The following SCFD2 variants were observed in gnomAD, a reference collection of about 807,000 sequenced individuals.
SCFD2 encodes sec1 family domain containing 2, also known as sec1 family domain-containing protein 2.
In SCFD2, 54 loss-of-function variants were observed where a neutral mutation model predicts 58.9. The ratio of observed to expected loss-of-function variants is 0.92; its 90% confidence interval spans 0.74 to 1.15. SCFD2 has a LOEUF of 1.15. Among genes scored for constraint, SCFD2 ranks in the 50% most tolerant of loss-of-function variants. The pLI, the probability that SCFD2 is intolerant of heterozygous loss-of-function variation, is 0.00. For synonymous variants in SCFD2, 321 were observed against 335.9 expected (o/e 0.96, Z 0.49); for missense variants, 805 against 836.6 (o/e 0.96, Z 0.47).
At chr4:53,040,812 G>A (rs1488808383) in intron 5 of SCFD2, among the ~76,000 whole-genome samples, 1 of 152,110 alleles carries the variant, frequency 6.6e-6, no homozygotes, top group Non-Finnish European at 1.5e-5. Context: ...TGAAAAATTT[G>A]TGAAAGACCT....
intron 5 of SCFD2, among the ~76,000 whole-genome samples, chr4:52,970,351 C>T (rs374265335): frequency 2.0e-5 from 3 of 152,252 alleles, no homozygotes; most frequent in African/African-American, 7.2e-5. Context: ...TCTTAGCAAA[C>T]AGCACACCAG....
At chr4:53,318,404 C>G (rs766500201) in intron 2 of SCFD2, among the ~76,000 whole-genome samples, 1 of 152,146 alleles carries the variant, frequency 6.6e-6, no homozygotes, top group Non-Finnish European at 1.5e-5. Context: ...GGTTGTACAA[C>G]TCTTGGGTCA....
intron 4 of SCFD2, among the ~76,000 whole-genome samples, chr4:53,184,159 T>G (rs1188347709): frequency 6.6e-6 from 1 of 152,172 alleles, no homozygotes; most frequent in African/African-American, 2.4e-5. Context: ...GCCCAAATAT[T>G]CAATTTTCCT....
At chr4:53,233,533 G>A (rs1309198225) in intron 4 of SCFD2, among the ~76,000 whole-genome samples, 1 of 152,120 alleles carries the variant, frequency 6.6e-6, no homozygotes, top group Non-Finnish European at 1.5e-5. Flanking sequence ...TTTCCAGCTG[G>A]AATAACACAT....
At chr4:53,036,038 TTTTTA>T (rs557154134) in intron 5 of SCFD2, among the ~76,000 whole-genome samples, 103 of 151,930 alleles carry the variant, frequency 6.8e-4, no homozygotes, top group Non-Finnish European at 8.1e-4. Flanking sequence ...ATCGTTTTTG[TTTTTA>T]TTTTATTTTA....
intron 5 of SCFD2, among the ~76,000 whole-genome samples, chr4:53,142,255 G>A (rs560822741): frequency 3.7e-4 from 57 of 152,308 alleles, no homozygotes; most frequent in Non-Finnish European, 6.0e-4. Context: ...TGATCTTTCA[G>A]ATATCAACAC....
intron 5 of SCFD2, among the ~76,000 whole-genome samples, chr4:52,931,326 T>G (rs1719988594): frequency 6.6e-6 from 1 of 152,170 alleles, no homozygotes; most frequent in Non-Finnish European, 1.5e-5. Context: ...TTTCAAAAGC[T>G]GTTGGGTGGT....
At chr4:52,895,539 T>C (rs1718985994) in intron 7 of SCFD2, among the ~76,000 whole-genome samples, 1 of 152,226 alleles carries the variant, frequency 6.6e-6, no homozygotes, top group South Asian at 2.1e-4. Flanking sequence ...CCATGGTGTA[T>C]ATGTGCCACA....
chr4:52,936,751 T>C (rs746493975), intron 5 of SCFD2, among the ~76,000 whole-genome samples: 3 of 152,340 alleles, frequency 2.0e-5, no homozygotes, highest in Non-Finnish European at 4.4e-5. Flanking sequence ...CTTCAGCTCA[T>C]AGACATTGTA....
intron 5 of SCFD2, among the ~76,000 whole-genome samples, chr4:53,078,442 T>C (rs1724045967): frequency 6.6e-6 from 1 of 152,188 alleles, no homozygotes; most frequent in Non-Finnish European, 1.5e-5. Context: ...ATTTTAAAGA[T>C]TTCACTTTGA....
intron 4 of SCFD2, among the ~76,000 whole-genome samples, chr4:53,215,089 T>G (rs1197532114): frequency 1.3e-5 from 2 of 152,158 alleles, no homozygotes; most frequent in African/African-American, 4.8e-5. Context: ...GGTAGCTTGA[T>G]GCCTCAAGCT....
chr4:53,181,127 A>G (rs879591531), intron 4 of SCFD2, among the ~76,000 whole-genome samples: 5 of 152,214 alleles, frequency 3.3e-5, no homozygotes, highest in Non-Finnish European at 5.9e-5. Context: ...ATCAATAGAA[A>G]AAGAGGGAAT....
intron 4 of SCFD2, among the ~76,000 whole-genome samples, chr4:53,211,106 G>A (rs1357871043): frequency 6.6e-6 from 1 of 152,064 alleles, no homozygotes; most frequent in Non-Finnish European, 1.5e-5. Context: ...AGCCAGGCAT[G>A]GTGGCACGCA....
At chr4:53,173,578 T>A (rs1263575260) in intron 4 of SCFD2, among the ~76,000 whole-genome samples, 2 of 152,170 alleles carry the variant, frequency 1.3e-5, no homozygotes, top group East Asian at 3.8e-4. Flanking sequence ...CAATTTACAT[T>A]CAAAGTAATT....
rs145472498 is a variant in SCFD2 at position 53,282,715 on chromosome 4, C to A, written c.1136-8714G>T. Among the ~76,000 whole-genome samples, 533 of 151,578 alleles carry A rather than the reference C, an allele frequency of 3.5e-3. 4 individuals are homozygous for A. The highest frequency in any genetic ancestry group is 0.012 in the African/African-American group (505 of 41,314). The stretch of plus-strand genomic sequence containing the variant: ...AAAGACGTAACTGTACTTAGCTATA[C>A]CAGGAAATAAAAAAAACAACAGAAA... On this transcript the variant is annotated intron_variant, in intron 3 of 8. Coordinates refer to ENST00000401642, the MANE Select transcript of SCFD2 (RefSeq NM_152540.4).
chr4:52,933,937 T>C (rs903817862), intron 5 of SCFD2, among the ~76,000 whole-genome samples: 1 of 152,322 alleles, frequency 6.6e-6, no homozygotes, highest in Admixed American at 6.5e-5. Context: ...CTGTCTTGTG[T>C]GCTTGCTTTC....
At chr4:53,195,917 T>G (rs561653787) in intron 4 of SCFD2, among the ~76,000 whole-genome samples, 1 of 152,272 alleles carries the variant, frequency 6.6e-6, no homozygotes, top group Admixed American at 6.5e-5. Context: ...ATCAAATAAA[T>G]AGCTACTCTA....
chr4:53,255,764 G>T (rs1486778346), intron 4 of SCFD2, among the ~76,000 whole-genome samples: 1 of 151,748 alleles, frequency 6.6e-6, no homozygotes, highest in African/African-American at 2.4e-5. Context: ...GGGCAGAGGG[G>T]CTCCTCACTT....
At chr4:53,241,034 C>G (rs1250908222) in intron 4 of SCFD2, among the ~76,000 whole-genome samples, 1 of 152,162 alleles carries the variant, frequency 6.6e-6, no homozygotes, top group African/African-American at 2.4e-5. Context: ...GGGAAGGAAG[C>G]TGGGAATGCT....
Sources: gnomAD v4.1 joint callset for allele counts (sites outside exome capture counted in the v4.1 genomes callset) on GRCh38, gnomAD v4.1.1 for gene constraint, MANE v1.5 for transcripts, NCBI Gene and HGNC (gene_info 2026-07-23, HGNC 2026-07-21) for gene names.